EEA1: variants seen among roughly 807,000 people sequenced by gnomAD.
EEA1 encodes the protein early endosome antigen 1, 162kD.
Under a neutral mutation model 209.2 loss-of-function variants are expected in EEA1, and 111 were observed. The observed-to-expected ratio is 0.53, with a 90% CI of 0.45 to 0.62. The LOEUF (loss-of-function observed/expected upper bound fraction) is 0.62. Ranked by LOEUF, EEA1 falls within the 20% of genes least tolerant of loss-of-function variation. The pLI, the probability that EEA1 is intolerant of heterozygous loss-of-function variation, is 0.00. For missense variants in EEA1, 1,343 were observed against 1,530.8 expected, an observed-to-expected ratio of 0.88 and a Z score of 2.05; for synonymous variants, 536 against 540.6, an observed-to-expected ratio of 0.99 and a Z score of 0.12.
chr12:92,921,133 A>G (rs1419780255), intron 1 of EEA1, among the ~76,000 whole-genome samples: 2 of 151,694 alleles, frequency 1.3e-5, no homozygotes, highest in Non-Finnish European at 2.9e-5. Flanking sequence ...AAATAGGAAC[A>G]CTTTTACATT....
intron 11 of EEA1, among the ~76,000 whole-genome samples, chr12:92,830,379 T>A (rs1360483347): frequency 1.3e-5 from 2 of 152,142 alleles, no homozygotes; most frequent in Non-Finnish European, 1.5e-5. Flanking sequence ...TGTGTCCATA[T>A]GTATTTAATA....
At position 92,852,653 on chromosome 12, in the gene EEA1, T is replaced by A. The variant is rs11106715; in HGVS notation, c.520+259A>T. On this transcript the variant is annotated intron_variant, in intron 7 of 28. Coordinates refer to ENST00000322349, the MANE Select transcript of EEA1 (RefSeq NM_003566.4). ...AATGTTCCTTTTTAATCTTTAAGCATGCCACAGAAGAAAATGTATCTTCTC... is the reference window on the plus strand; with the variant it reads ...AATGTTCCTTTTTAATCTTTAAGCAAGCCACAGAAGAAAATGTATCTTCTC... 2.7e-3 allele frequency among the ~76,000 whole-genome samples: 418 copies of A among 152,222 alleles called. 2 individuals carry two copies. Among genetic ancestry groups the A allele is most frequent in the African/African-American group, 9.7e-3 (403 of 41,558 alleles).
intron 22 of EEA1, among the ~76,000 whole-genome samples, chr12:92,785,829 T>C (rs1251539982): frequency 6.6e-6 from 1 of 152,206 alleles, no homozygotes; most frequent in Non-Finnish European, 1.5e-5. Flanking sequence ...TAAAACTCTA[T>C]GGCAGCCTTG....
At chr12:92,855,630 C>G (rs1266703800) in intron 5 of EEA1, among the ~76,000 whole-genome samples, 1 of 152,012 alleles carries the variant, frequency 6.6e-6, no homozygotes, top group East Asian at 1.9e-4. Flanking sequence ...AAGAATTATA[C>G]CCATCTGAAA....
At chr12:92,857,530 A>G (rs1210802646) in intron 3 of EEA1, 45 bp from the exon 4 acceptor site, 8 of 1,276,540 alleles carry the variant, frequency 6.3e-6, no homozygotes, top group Non-Finnish European at 8.7e-6. Context: ...ATGTCCTTTA[A>G]TTAACAAACT....
chr12:92,794,678 C>T (rs1235883357), intron 21 of EEA1, among the ~76,000 whole-genome samples: 9 of 144,048 alleles, frequency 6.2e-5, no homozygotes, highest in African/African-American at 2.3e-4. Flanking sequence ...GGAAAGTGAA[C>T]AATGAGATCA....
In EEA1 at chr12:92,771,643, A is replaced by G. The variant is rs890112147; in HGVS notation, c.*4368T>C. 1 of 152,044 alleles carries G rather than the reference A, an allele frequency of 6.6e-6. No homozygotes were observed. Among genetic ancestry groups the G allele is most frequent in the Non-Finnish European group, 1.5e-5 (1 of 67,908 alleles). The allele number at this position is 152,044 out of a possible 1,614,324, so 9.4% of individuals were successfully genotyped here. A position where few individuals can be genotyped will look rare whatever the true frequency, so the allele number is the denominator to read the frequency against. ...AAAGCAGTTATGTCCAGGAGAATAC[A>G]ATATAGATTATGCAAGAGAAGATTT... is the stretch of plus-strand genomic sequence containing the variant. On this transcript the variant is annotated 3_prime_UTR_variant, in exon 29 of 29. Coordinates refer to ENST00000322349, the MANE Select transcript of EEA1 (RefSeq NM_003566.4).
At chr12:92,917,511 G>C (rs936554506) in intron 1 of EEA1, among the ~76,000 whole-genome samples, 177 of 149,876 alleles carry the variant, frequency 1.2e-3, no homozygotes, top group African/African-American at 4.1e-3. Context: ...ATAAGTGAAG[G>C]AGAAATAAAA....
chr12:92,803,692 C>T (rs984900022), intron 18 of EEA1, among the ~76,000 whole-genome samples: 2 of 151,954 alleles, frequency 1.3e-5, no homozygotes, highest in African/African-American at 4.8e-5. Context: ...GTTCTAGAAA[C>T]ACACTTTTAC....
rs571178467 is a variant in EEA1, at chr12:92,844,502, T to C, written c.799-1921A>G. ...CAATTCAAAGAAGAAAATGTTGAAATATTCATGTATTTTCAACTACACTCA... is the reference window on the plus strand; with the variant it reads ...CAATTCAAAGAAGAAAATGTTGAAACATTCATGTATTTTCAACTACACTCA... On this transcript the variant is annotated intron_variant, in intron 9 of 28. Transcript: ENST00000322349. Among the ~76,000 whole-genome samples, 8 of 152,210 alleles carry C rather than the reference T, an allele frequency of 5.3e-5. No individual in the cohort carries two copies. In the South Asian group the frequency reaches 1.7e-3, roughly 32 times the overall value.
In EEA1 at chr12:92,779,230, T is replaced by C. The variant is rs1873792941; in HGVS notation, c.3539A>G (p.Asp1180Gly). The C allele has an allele frequency of 6.2e-7, 1 of 1,609,616 alleles. No homozygotes were observed. The highest frequency in any genetic ancestry group is 1.1e-5 in the South Asian group (1 of 90,208). Reference protein sequence around the residue: ...QQKLELQGKADSLKAAVEQEK... With the variant: ...QQKLELQGKAGSLKAAVEQEK... ...CTGTTCAACAGCTGCCTTCAGGGAG[T>C]CCGCTTTTCCTTGAAGTTCTAATTT... The change falls in exon 25 of 29, where the codon GAC becomes GGC. Residue 1180 changes from aspartate to glycine, a missense_variant. Asp to Gly is a moderately conservative substitution (Grantham distance 94). Around this residue, in one of 3 missense-constraint regions of EEA1, gnomAD observed 1,307 missense variants for 1,465.5 expected, o/e 0.89. Coordinates refer to ENST00000322349, the MANE Select transcript of EEA1 (RefSeq NM_003566.4).
chr12:92,871,912 A>C (rs1287519342), intron 2 of EEA1, among the ~76,000 whole-genome samples: 1 of 151,854 alleles, frequency 6.6e-6, no homozygotes, highest in Non-Finnish European at 1.5e-5. Context: ...AGACAGTTTC[A>C]CTCTGTTGCC....
In EEA1 at chr12:92,832,678, A is replaced by T. The variant is rs1465266218; in HGVS notation, c.1088T>A (p.Ile363Lys). Residue 363 changes from isoleucine to lysine, a missense_variant, in exon 11 of 29, where the codon ATA becomes AAA. Physicochemically the swap from Ile to Lys is moderately radical, Grantham distance 102. Around this residue, in one of 3 missense-constraint regions of EEA1, gnomAD observed 1,307 missense variants for 1,465.5 expected, o/e 0.89. Transcript: ENST00000322349. ...TCCTTTTTCACTTAGTTCTACATGTATTCTATGCAGTGAGGTTTCAGATGC... is the reference window on the plus strand; with the variant it reads ...TCCTTTTTCACTTAGTTCTACATGTTTTCTATGCAGTGAGGTTTCAGATGC... ...LSASETSLHR[I>K]HVELSEKGEA... 4 of 1,613,968 alleles carry T rather than the reference A, an allele frequency of 2.5e-6. No individual in the cohort carries two copies. The East Asian group carries it at 8.9e-5, about 36-fold the overall frequency.
intron 1 of EEA1, among the ~76,000 whole-genome samples, chr12:92,913,533 AT>A (rs919542449): frequency 1.3e-5 from 2 of 149,868 alleles, no homozygotes; most frequent in Non-Finnish European, 3.0e-5. Context: ...TTTAATTCCC[AT>A]TTTTTTTCTA....
intron 21 of EEA1, among the ~76,000 whole-genome samples, chr12:92,793,795 T>C (rs557063027): frequency 3.9e-5 from 6 of 152,096 alleles, no homozygotes; most frequent in Admixed American, 3.9e-4. Context: ...AAAGTTCATA[T>C]GGAACCAAAA....
intron 10 of EEA1, among the ~76,000 whole-genome samples, chr12:92,839,461 A>G (rs896145299): frequency 2.8e-4 from 43 of 152,190 alleles, no homozygotes; most frequent in Admixed American, 2.4e-3. Flanking sequence ...TTCCAACTAC[A>G]TATCTGTATG....
chr12:92,777,047 A>T, intron 27 of EEA1, 105 bp from the exon 28 acceptor site: 1 of 1,131,416 alleles, frequency 8.8e-7, no homozygotes, highest in Non-Finnish European at 1.3e-6. Flanking sequence ...TGACTATATG[A>T]CCCATGAAAT....
chr12:92,925,181 CAAA>C (rs796274410), intron 1 of EEA1, among the ~76,000 whole-genome samples: 2 of 119,854 alleles, frequency 1.7e-5, no homozygotes, highest in Non-Finnish European at 1.8e-5. Context: ...AAAGATGTCT[CAAA>C]AAAAAAAAAA....
chr12:92,851,654 G>T (rs1336270819), intron 8 of EEA1, among the ~76,000 whole-genome samples: 4 of 152,084 alleles, frequency 2.6e-5, no homozygotes. Context: ...GCTCCAGGTT[G>T]GATGTAGTTA....
Sources: gnomAD v4.1 joint callset for allele counts (sites outside exome capture counted in the v4.1 genomes callset) on GRCh38, gnomAD v4.1.1 for gene constraint, gnomAD v4.1.1 regional missense constraint, MANE v1.5 for transcripts, NCBI Gene and HGNC (gene_info 2026-07-23, HGNC 2026-07-21) for gene names.